UNC13C: variants seen among roughly 807,000 people sequenced by gnomAD.
UNC13C encodes protein unc-13 homolog C.
Under a neutral mutation model 245.4 loss-of-function variants are expected in UNC13C, and 174 were observed. The observed-to-expected ratio is 0.71, with a 90% CI of 0.63 to 0.80. UNC13C has a LOEUF of 0.80. Among genes scored for constraint, UNC13C ranks in the 30% least tolerant of loss-of-function variants. The pLI is 0.00. For missense variants in UNC13C, 2,829 were observed against 2,602.9 expected, an observed-to-expected ratio of 1.09 and a Z score of -1.89; for synonymous variants, 992 against 895.1, an observed-to-expected ratio of 1.11 and a Z score of -1.93.
chr15:54,065,109 C>G (rs983859654), intron 2 of UNC13C, among the ~76,000 whole-genome samples: 15 of 152,314 alleles, frequency 9.8e-5, no homozygotes, highest in African/African-American at 3.6e-4. Context: ...GTCTGGACTG[C>G]AGTAGGCATT....
intron 4 of UNC13C, among the ~76,000 whole-genome samples, chr15:54,223,429 C>G (rs760399206): frequency 2.0e-5 from 3 of 151,984 alleles, no homozygotes; most frequent in Non-Finnish European, 4.4e-5. Flanking sequence ...TCTGGGTTCT[C>G]TATTCTGTTT....
intron 17 of UNC13C, among the ~76,000 whole-genome samples, chr15:54,363,970 G>C (rs377385650): frequency 6.6e-6 from 1 of 152,094 alleles, no homozygotes; most frequent in Admixed American, 6.6e-5. Flanking sequence ...ATACATTTGC[G>C]TAAATGCAAA....
intron 19 of UNC13C, among the ~76,000 whole-genome samples, chr15:54,482,962 C>A (rs1264290550): frequency 1.3e-5 from 2 of 152,106 alleles, no homozygotes; most frequent in African/African-American, 4.8e-5. Context: ...TTATAAAAAT[C>A]ATTTGAATAT....
At chr15:54,225,138 T>C (rs527589608) in intron 4 of UNC13C, among the ~76,000 whole-genome samples, 1 of 151,516 alleles carries the variant, frequency 6.6e-6, no homozygotes, top group East Asian at 1.9e-4. Context: ...TAGATGGTTG[T>C]AGATGTGCAG....
At chr15:54,433,733 G>A (rs1018048314) in intron 19 of UNC13C, among the ~76,000 whole-genome samples, 1 of 152,048 alleles carries the variant, frequency 6.6e-6, no homozygotes, top group African/African-American at 2.4e-5. Flanking sequence ...GTTCTGGCCA[G>A]GGCAATCAGA....
chr15:54,502,232 C>T (rs1288055789), intron 22 of UNC13C, among the ~76,000 whole-genome samples: 1 of 152,008 alleles, frequency 6.6e-6, no homozygotes, highest in Admixed American at 6.6e-5. Flanking sequence ...TAATCTGTGA[C>T]CTCAGAAAAC....
At chr15:54,227,516 C>G (rs142633747) in intron 4 of UNC13C, among the ~76,000 whole-genome samples, 88 of 152,334 alleles carry the variant, frequency 5.8e-4, no homozygotes, top group Non-Finnish European at 9.8e-4. Context: ...CCTTCCTGAG[C>G]TCTTTGGTGC....
intron 8 of UNC13C, among the ~76,000 whole-genome samples, chr15:54,252,211 A>G (rs550982674): frequency 1.3e-5 from 2 of 152,266 alleles, no homozygotes; most frequent in Non-Finnish European, 2.9e-5. Flanking sequence ...AGAGAAAAAA[A>G]TGATGCCACT....
At chr15:54,356,956 G>A (rs1511794) in intron 17 of UNC13C, among the ~76,000 whole-genome samples, 4 of 152,000 alleles carry the variant, frequency 2.6e-5, no homozygotes, top group Admixed American at 2.6e-4. Flanking sequence ...CTGATCTATA[G>A]GACCTTGTTC....
intron 30 of UNC13C, among the ~76,000 whole-genome samples, chr15:54,618,876 TA>T (rs1284232804): frequency 3.3e-5 from 5 of 152,146 alleles, no homozygotes; most frequent in African/African-American, 1.2e-4. Context: ...CGGAAAAAGT[TA>T]AAATTCCACT....
chr15:54,146,402 C>A (rs1033527816), intron 4 of UNC13C, among the ~76,000 whole-genome samples: 1 of 152,128 alleles, frequency 6.6e-6, no homozygotes, highest in Non-Finnish European at 1.5e-5. Context: ...ACACTAAAAC[C>A]AAATTAATAA....
chr15:54,146,079 C>T (rs1027944579), intron 4 of UNC13C, among the ~76,000 whole-genome samples: 3 of 152,220 alleles, frequency 2.0e-5, no homozygotes. Flanking sequence ...CTTAAAGAAC[C>T]TGAAGGGTAC....
chr15:53,953,850 C>G, the UNC13C span, among the ~76,000 whole-genome samples: 1 of 152,234 alleles, frequency 6.6e-6, no homozygotes, highest in Admixed American at 6.5e-5. Context: ...CCTTGCTCTT[C>G]CATCTGCTGG....
intron 4 of UNC13C, among the ~76,000 whole-genome samples, chr15:54,154,757 G>C (rs2032668723): frequency 6.6e-6 from 1 of 152,168 alleles, no homozygotes; most frequent in Non-Finnish European, 1.5e-5. Context: ...AGGTTCAAGT[G>C]AGAATTCATG....
At chr15:54,385,536 G>C (rs1238744526) in intron 17 of UNC13C, among the ~76,000 whole-genome samples, 6 of 152,030 alleles carry the variant, frequency 3.9e-5, no homozygotes, top group Non-Finnish European at 5.9e-5. Flanking sequence ...CCAGACACTG[G>C]GAAAGGTGGG....
chr15:54,454,801 TATTCATTCATTCATTC>T (rs57819978), intron 19 of UNC13C, among the ~76,000 whole-genome samples: 2 of 139,572 alleles, frequency 1.4e-5, no homozygotes, highest in Non-Finnish European at 3.1e-5. Flanking sequence ...AAATTTTATT[TATTCATTCATTCATTC>T]ATTCATTCAT....
chr15:53,844,478 G>C, the UNC13C span, among the ~76,000 whole-genome samples: 1 of 152,110 alleles, frequency 6.6e-6, no homozygotes, highest in Non-Finnish European at 1.5e-5. Flanking sequence ...ACTGAGGCAG[G>C]GAAGGTGGGT....
At position 54,153,080 on chromosome 15, in the gene UNC13C, CACTT is replaced by C. The variant is rs959339428; in HGVS notation, c.3071+9397_3071+9400del. On this transcript the variant is annotated intron_variant, in intron 4 of 32. Coordinates refer to ENST00000260323, the MANE Select transcript of UNC13C (RefSeq NM_001080534.3). ...TGCTATAAGCTTGTAAATAATTACT[CACTT>C]CTTATTTAAAGCAACAAGTTTGCTT... 2.0e-5 allele frequency among the ~76,000 whole-genome samples: 3 copies of C among 151,582 alleles called. 1 individual carries two copies. The highest frequency in any genetic ancestry group is 4.1e-4 in the South Asian group (2 of 4,824).
intron 19 of UNC13C, among the ~76,000 whole-genome samples, chr15:54,468,312 T>C (rs1213051616): frequency 1.3e-5 from 2 of 151,760 alleles, no homozygotes; most frequent in Non-Finnish European, 3.0e-5. Flanking sequence ...TTTATTGTTA[T>C]TGAGTTGTTT....
Sources: gnomAD v4.1 joint callset for allele counts (sites outside exome capture counted in the v4.1 genomes callset) on GRCh38, gnomAD v4.1.1 for gene constraint, MANE v1.5 for transcripts, NCBI Gene and HGNC (gene_info 2026-07-23, HGNC 2026-07-21) for gene names.